The following CADPS variants were observed in gnomAD, a reference collection of about 807,000 sequenced individuals.
CADPS encodes calcium dependent secretion activator.
In CADPS, 57 loss-of-function variants were observed where a neutral mutation model predicts 167.3. The observed-to-expected ratio is 0.34, with a 90% CI of 0.28 to 0.42. The LOEUF (loss-of-function observed/expected upper bound fraction) is 0.42. CADPS is among the 20% of genes least tolerant of loss of function. The probability of loss-of-function intolerance (pLI) is 1.00; values close to 1 mark genes in which losing one functional copy is unlikely to be tolerated. For missense variants in CADPS, 1,414 were observed against 1,738.1 expected, an observed-to-expected ratio of 0.81 and a Z score of 3.32; for synonymous variants, 676 against 635.3, an observed-to-expected ratio of 1.06 and a Z score of -0.96.
chr3:62,638,363 T>C (rs1393303196), intron 6 of CADPS, among the ~76,000 whole-genome samples: 1 of 152,134 alleles, frequency 6.6e-6, no homozygotes, highest in Non-Finnish European at 1.5e-5. Flanking sequence ...ATGTTCTCCC[T>C]GATCACTAAA....
At chr3:62,508,661 A>C (rs2067133513) in intron 17 of CADPS, among the ~76,000 whole-genome samples, 1 of 152,204 alleles carries the variant, frequency 6.6e-6, no homozygotes, top group Non-Finnish European at 1.5e-5. Context: ...GGCCCTTTAG[A>C]TTCAATGAAA....
chr3:62,449,980 C>T (rs954297375), intron 26 of CADPS, among the ~76,000 whole-genome samples: 6 of 152,114 alleles, frequency 3.9e-5, no homozygotes, highest in Non-Finnish European at 7.4e-5. Flanking sequence ...ACAGTAATAA[C>T]GCTACTCAAA....
chr3:62,579,708 G>A (rs6445279), intron 8 of CADPS, among the ~76,000 whole-genome samples: 25,199 of 152,096 alleles, frequency 0.17, 2,804 homozygotes, highest in African/African-American at 0.32. Flanking sequence ...GACCAGGTAC[G>A]TAGGGTCTTG....
intron 28 of CADPS, among the ~76,000 whole-genome samples, chr3:62,426,016 C>T (rs2052576539): frequency 6.6e-6 from 1 of 152,192 alleles, no homozygotes; most frequent in Admixed American, 6.5e-5. Flanking sequence ...ACTGAGCTCT[C>T]TGCTACTTGC....
intron 6 of CADPS, among the ~76,000 whole-genome samples, chr3:62,619,002 G>A (rs1029345819): frequency 6.6e-6 from 1 of 152,190 alleles, no homozygotes; most frequent in Admixed American, 6.5e-5. Flanking sequence ...GCAAACTAAG[G>A]CCCTTGGGCC....
chr3:62,796,966 CCTTATTTTTCTTAAAA>C (rs1350786812), intron 1 of CADPS, among the ~76,000 whole-genome samples: 5 of 152,060 alleles, frequency 3.3e-5, no homozygotes, highest in African/African-American at 1.2e-4. Flanking sequence ...AAGCTTAAGT[CCTTATTTTTCTTAAAA>C]CTGTAAGCAT....
rs2051212268 is a variant in CADPS at position 62,420,904 on chromosome 3, G to GTA, written c.3777+17199_3777+17200insTA. ...CACACACACACACACACACACACAG[G>GTA]CACACACACACACACTTGCCAGATC... On this transcript the variant is annotated intron_variant, in intron 28 of 29. Transcript: ENST00000383710. This position sits in a 1 kb window ranked among gnomAD's most constrained non-coding sequence, Gnocchi z 4.1. Among the ~76,000 whole-genome samples the GTA allele has an allele frequency of 1.3e-5, 1 of 77,912 alleles. No homozygotes were observed. Among genetic ancestry groups the GTA allele is most frequent in the South Asian group, 3.8e-4 (1 of 2,652 alleles). The allele number at this position is 77,912 out of a possible 152,430, so 51.1% of individuals were successfully genotyped here. A position where few individuals can be genotyped will look rare whatever the true frequency, so the allele number is the denominator to read the frequency against.
At chr3:62,542,507 T>C (rs1437475682) in intron 11 of CADPS, among the ~76,000 whole-genome samples, 1 of 152,136 alleles carries the variant, frequency 6.6e-6, no homozygotes, top group Non-Finnish European at 1.5e-5. Context: ...AATAGTCAAG[T>C]AACCAGGGGA....
chr3:62,640,710 T>G (rs1473002541), intron 6 of CADPS, among the ~76,000 whole-genome samples: 1 of 152,182 alleles, frequency 6.6e-6, no homozygotes, highest in Non-Finnish European at 1.5e-5. Context: ...AAATGCCAAG[T>G]GGCATCTTTG....
intron 3 of CADPS, among the ~76,000 whole-genome samples, chr3:62,682,304 C>A (rs1325222093): frequency 1.3e-5 from 2 of 151,964 alleles, no homozygotes; most frequent in Admixed American, 6.6e-5. Context: ...GGAATCTACA[C>A]CCCTAGGAAG....
chr3:62,505,126 C>T (rs965181974), intron 17 of CADPS, among the ~76,000 whole-genome samples: 1 of 152,208 alleles, frequency 6.6e-6, no homozygotes, highest in Non-Finnish European at 1.5e-5. Context: ...CAGATAGCCA[C>T]ATCATACTAT....
chr3:62,444,063 T>C (rs2056816545), intron 27 of CADPS, among the ~76,000 whole-genome samples: 1 of 152,230 alleles, frequency 6.6e-6, no homozygotes, highest in South Asian at 2.1e-4. Context: ...CATAACCTGA[T>C]GTTAGTACCA....
intron 6 of CADPS, among the ~76,000 whole-genome samples, chr3:62,629,067 A>G (rs542665570): frequency 6.6e-6 from 1 of 152,174 alleles, no homozygotes. Flanking sequence ...TAAGAAAAGA[A>G]CATATGTAAC....
At chr3:62,811,245 C>G (rs550233928) in intron 1 of CADPS, among the ~76,000 whole-genome samples, 3 of 152,138 alleles carry the variant, frequency 2.0e-5, no homozygotes, top group Admixed American at 6.6e-5. Context: ...TTGCTCTCTC[C>G]TCTTTTTTCC....
chr3:62,565,849 T>C (rs920615793), intron 9 of CADPS, among the ~76,000 whole-genome samples: 6 of 152,220 alleles, frequency 3.9e-5, no homozygotes, highest in Non-Finnish European at 8.8e-5. Context: ...AAGACAGTAG[T>C]ACTAATAGGA....
At chr3:62,805,732 C>T (rs569709590) in intron 1 of CADPS, among the ~76,000 whole-genome samples, 1 of 152,290 alleles carries the variant, frequency 6.6e-6, no homozygotes, top group South Asian at 2.1e-4. Flanking sequence ...TTTCTATAGA[C>T]TGCTGTAACC....
intron 27 of CADPS, among the ~76,000 whole-genome samples, chr3:62,441,763 G>A (rs1040008744): frequency 6.6e-6 from 1 of 152,176 alleles, no homozygotes; most frequent in African/African-American, 2.4e-5. Context: ...GACCTGGGGA[G>A]CTTTAAAAAT....
intron 3 of CADPS, among the ~76,000 whole-genome samples, chr3:62,719,195 C>T (rs2075272560): frequency 1.3e-5 from 2 of 152,212 alleles, no homozygotes; most frequent in South Asian, 4.1e-4. Context: ...CTTTCTGGCA[C>T]TGTCTTTTAT....
chr3:62,773,394 C>A lies in CADPS; in HGVS notation c.442-7410G>T, dbSNP rs555624801. On this transcript the variant is annotated intron_variant, in intron 1 of 29. Transcript: ENST00000383710. ...CTTTTATTTAGCTTGAAGAAAAAAT[C>A]TGACAGACTTTATCACGGCAAAATA... Among the ~76,000 whole-genome samples the A allele has an allele frequency of 3.3e-5, 5 of 152,054 alleles. No individual in the cohort carries two copies. In the East Asian group the frequency reaches 9.7e-4, roughly 29 times the overall value.
Sources: gnomAD v4.1 joint callset for allele counts (sites outside exome capture counted in the v4.1 genomes callset) on GRCh38, gnomAD v4.1.1 for gene constraint, Gnocchi (gnomAD v3.1) non-coding constraint, MANE v1.5 for transcripts, NCBI Gene and HGNC (gene_info 2026-07-23, HGNC 2026-07-21) for gene names.